Variants in AK5 observed in about 807,000 individuals in gnomAD.
AK5 encodes adenylate kinase isoenzyme 5.
A neutral mutation model predicts 69.5 loss-of-function variants in AK5; 27 were observed. The observed-to-expected ratio is 0.39, with a 90% confidence interval of 0.29 to 0.54. The LOEUF is 0.54. Among genes scored for constraint, AK5 ranks in the 20% least tolerant of loss-of-function variants. The pLI, the probability that AK5 is intolerant of heterozygous loss-of-function variation, is 0.71. For missense variants in AK5, 531 were observed against 700.4 expected (o/e 0.76, Z 2.73); for synonymous variants, 260 against 244.4 (o/e 1.06, Z -0.60).
intron 8 of AK5, among the ~76,000 whole-genome samples, chr1:77,471,252 C>T (rs1459355320): frequency 1.3e-5 from 2 of 152,058 alleles, no homozygotes; most frequent in East Asian, 3.9e-4. Flanking sequence ...AACTCTATCT[C>T]ACACACTTTC....
At chr1:77,298,651 A>ACC (rs1244946165) in intron 5 of AK5, among the ~76,000 whole-genome samples, 6 of 149,546 alleles carry the variant, frequency 4.0e-5, no homozygotes, top group African/African-American at 1.2e-4. Context: ...AAAAAAAAAA[A>ACC]ACCACACACA....
At chr1:77,464,076 G>A (rs1013239112) in intron 8 of AK5, among the ~76,000 whole-genome samples, 8 of 150,958 alleles carry the variant, frequency 5.3e-5, no homozygotes, top group African/African-American at 1.7e-4. Flanking sequence ...ATAGGACAGA[G>A]TATTGTTGTA....
chr1:77,501,870 T>G (rs1180223035), intron 10 of AK5, among the ~76,000 whole-genome samples: 1 of 152,124 alleles, frequency 6.6e-6, no homozygotes, highest in Non-Finnish European at 1.5e-5. Context: ...CACTAGATAG[T>G]GTAAAATCAG....
At chr1:77,461,806 A>T (rs1252561337) in intron 8 of AK5, among the ~76,000 whole-genome samples, 1 of 152,036 alleles carries the variant, frequency 6.6e-6, no homozygotes, top group Non-Finnish European at 1.5e-5. Flanking sequence ...ATTGTACAGC[A>T]TAGTGACTAT....
At chr1:77,357,992 A>AGTGTGTGTGT (rs10643921) in intron 6 of AK5, among the ~76,000 whole-genome samples, 4,054 of 121,060 alleles carry the variant, frequency 0.033, 92 homozygotes, top group South Asian at 0.066. Flanking sequence ...TATGGAGAGT[A>AGTGTGTGTGT]GTGTGTGTGT....
intron 10 of AK5, among the ~76,000 whole-genome samples, chr1:77,510,796 G>A (rs930359998): frequency 6.6e-6 from 1 of 151,838 alleles, no homozygotes; most frequent in African/African-American, 2.4e-5. Context: ...GCACCATGAC[G>A]AGCAAAGCAG....
rs555017893 is a variant in AK5 at position 77,453,020 on chromosome 1, A to G, written c.1060-30297A>G. On this transcript the variant is annotated intron_variant, in intron 8 of 13. Transcript: ENST00000354567. ...CAGACTAAAAGCTATAGAGAATGAT[A>G]TAACAAACATCATTTATCCACTGCC... Among the ~76,000 whole-genome samples, 3 of 152,376 alleles carry G rather than the reference A, an allele frequency of 2.0e-5. No individual in the cohort carries two copies. In the South Asian group the frequency reaches 6.2e-4, roughly 32 times the overall value.
At chr1:77,291,738 C>A (rs77561325) in intron 2 of AK5, among the ~76,000 whole-genome samples, 10,219 of 152,250 alleles carry the variant, frequency 0.067, 430 homozygotes, top group Non-Finnish European at 0.085. Flanking sequence ...AGCTCCAGAC[C>A]GTAGGTAAGG....
rs531462369 is a variant in AK5, at chr1:77,475,121, TAATA to T, written c.1060-8192_1060-8189del. Among the ~76,000 whole-genome samples, 127 of 149,980 alleles carry T rather than the reference TAATA, an allele frequency of 8.5e-4. 1 individual carries two copies. The highest frequency in any genetic ancestry group is 1.3e-3 in the Non-Finnish European group (90 of 67,670). On this transcript the variant is annotated intron_variant, in intron 8 of 13. Transcript: ENST00000354567. ...CTCAACCTAGTGTGTTTTATTCTAATAATAAATCTGATTTTCCATTTTGCTAGGA... is the reference window on the plus strand; with the variant it reads ...CTCAACCTAGTGTGTTTTATTCTAATAATCTGATTTTCCATTTTGCTAGGA...
chr1:77,432,032 C>T (rs1651673640), intron 8 of AK5, among the ~76,000 whole-genome samples: 2 of 152,128 alleles, frequency 1.3e-5, no homozygotes, highest in Admixed American at 6.6e-5. Context: ...GTTTTGTTAT[C>T]AAGAACTTGT....
intron 8 of AK5, among the ~76,000 whole-genome samples, chr1:77,465,374 A>C (rs1164828292): frequency 6.6e-6 from 1 of 152,234 alleles, no homozygotes; most frequent in African/African-American, 2.4e-5. Flanking sequence ...AAGTGAAAAA[A>C]AATGAAAAAA....
At chr1:77,455,813 A>G (rs1050312029) in intron 8 of AK5, among the ~76,000 whole-genome samples, 4 of 152,102 alleles carry the variant, frequency 2.6e-5, no homozygotes, top group Non-Finnish European at 5.9e-5. Flanking sequence ...AGGCTGAGCA[A>G]AGTTAGGTTT....
chr1:77,321,708 CT>C (rs1054155335), intron 5 of AK5, among the ~76,000 whole-genome samples: 1 of 152,048 alleles, frequency 6.6e-6, no homozygotes, highest in African/African-American at 2.4e-5. Flanking sequence ...AGGGTGTCGG[CT>C]TTTACCATTT....
At chr1:77,362,924 A>G (rs1319786488) in intron 6 of AK5, among the ~76,000 whole-genome samples, 1 of 152,248 alleles carries the variant, frequency 6.6e-6, no homozygotes, top group Non-Finnish European at 1.5e-5. Flanking sequence ...ATGACCATAG[A>G]TAAGGATAAG....
chr1:77,497,041 T>G (rs1170687269), intron 10 of AK5, among the ~76,000 whole-genome samples: 1 of 152,222 alleles, frequency 6.6e-6, no homozygotes, highest in African/African-American at 2.4e-5. Flanking sequence ...GAAGCTTTGT[T>G]CTTTCGCTTT....
chr1:77,452,822 A>T (rs1557603874), intron 8 of AK5, among the ~76,000 whole-genome samples: 1 of 152,226 alleles, frequency 6.6e-6, no homozygotes, highest in Admixed American at 6.5e-5. Context: ...CCAAGCACAC[A>T]TGCTTTCTTA....
At position 77,474,247 on chromosome 1, in the gene AK5, T is replaced by G. The variant is rs566998622; in HGVS notation, c.1060-9070T>G. Among the ~76,000 whole-genome samples the G allele has an allele frequency of 2.6e-5, 4 of 152,324 alleles. No individual in the cohort carries two copies. The East Asian group carries it at 7.7e-4, about 29-fold the overall frequency. ...CTGAGCCCTTCTCAGGCTGGTAGAC[T>G]CAGAGTAAAGCCTGTCACCTCAGGC... is the stretch of plus-strand genomic sequence containing the variant. On this transcript the variant is annotated intron_variant, in intron 8 of 13. Transcript: ENST00000354567.
intron 6 of AK5, among the ~76,000 whole-genome samples, chr1:77,361,011 C>T (rs1425074983): frequency 6.6e-6 from 1 of 152,108 alleles, no homozygotes; most frequent in Admixed American, 6.6e-5. Context: ...AAGACCAATG[C>T]AAGCCCACAA....
At chr1:77,473,611 G>T (rs761247372) in intron 8 of AK5, among the ~76,000 whole-genome samples, 5 of 152,142 alleles carry the variant, frequency 3.3e-5, no homozygotes, top group Non-Finnish European at 5.9e-5. Flanking sequence ...TCTACTGATT[G>T]TATCTTCTCT....
Sources: gnomAD v4.1 joint callset for allele counts (sites outside exome capture counted in the v4.1 genomes callset) on GRCh38, gnomAD v4.1.1 for gene constraint, MANE v1.5 for transcripts, NCBI Gene and HGNC (gene_info 2026-07-23, HGNC 2026-07-21) for gene names.